Variants in GALNT5 observed in about 807,000 individuals in gnomAD.
GALNT5 encodes the protein UDP-GalNAc:polypeptide N-acetylgalactosaminyltransferase 5.
Under a neutral mutation model 85.4 loss-of-function variants are expected in GALNT5, and 72 were observed. That is an observed-to-expected ratio of 0.84 (90% CI 0.70 to 1.03). The LOEUF is 1.03. Ranked by LOEUF, GALNT5 falls within the 50% of genes least tolerant of loss-of-function variation. GALNT5 has a pLI of 0.00. For synonymous variants in GALNT5, 404 were observed against 397.0 expected, an observed-to-expected ratio of 1.02 and a Z score of -0.21; for missense variants, 1,137 against 1,135.5, an observed-to-expected ratio of 1.00 and a Z score of -0.02.
In GALNT5 at chr2:157,300,945, C is replaced by T; in HGVS notation, c.2385C>T (p.Tyr795=). 6.2e-7 allele frequency: 1 copy of T among 1,614,086 alleles called. No homozygotes were observed. Among genetic ancestry groups the T allele is most frequent in the Non-Finnish European group, 8.5e-7 (1 of 1,179,958 alleles). ...TGAAGTGCAAAAGTTTCAAATGGTACTTGGAGAATGTCTTTCCTGACTTAA... is the reference window on the plus strand; with the variant it reads ...TGAAGTGCAAAAGTTTCAAATGGTATTTGGAGAATGTCTTTCCTGACTTAA... ...KKLKCKSFKW[Y]LENVFPDLRA... The change falls in exon 7 of 10, where the codon TAC becomes TAT. Residue 795 remains tyrosine, a synonymous_variant. Transcript: ENST00000259056.
At position 157,259,182 on chromosome 2, in the gene GALNT5, C is replaced by T. The variant is rs528216306; in HGVS notation, c.1100C>T (p.Ser367Phe). ...KHISRNRSEM[S>F]SSSLAPHRVP... Reference sequence around the variant, plus strand: ...ATTTCCAGGAATAGAAGTGAGATGTCTTCCTCTTCACTTGCTCCACATAGA... The same window carrying T: ...ATTTCCAGGAATAGAAGTGAGATGTTTTCCTCTTCACTTGCTCCACATAGA... The change falls in exon 1 of 10, where the codon TCT becomes TTT. Residue 367 changes from serine to phenylalanine, a missense_variant. Coordinates refer to ENST00000259056, the MANE Select transcript of GALNT5 (RefSeq NM_014568.3). The T allele has an allele frequency of 2.6e-6, 4 of 1,540,794 alleles. No homozygotes were observed. In the South Asian group the frequency reaches 3.9e-5, roughly 15 times the overall value.
Position 157,318,314 on chromosome 2 carries a change from C to T in GALNT5, c.*6966C>T, listed in dbSNP as rs756854750. Among the ~76,000 whole-genome samples the T allele has an allele frequency of 6.6e-6, 1 of 152,116 alleles. No homozygotes were observed. The highest frequency in any genetic ancestry group is 1.5e-5 in the Non-Finnish European group (1 of 67,996). On this transcript the variant is annotated 3_prime_UTR_variant, in exon 10 of 10. Coordinates refer to ENST00000259056, the MANE Select transcript of GALNT5 (RefSeq NM_014568.3). ...TTTAAATGTATTACTCTGATGATTACAGAGATTTCTTCAAGTTGTTCGTGT... is the reference window on the plus strand; with the variant it reads ...TTTAAATGTATTACTCTGATGATTATAGAGATTTCTTCAAGTTGTTCGTGT...
intron 3 of GALNT5, among the ~76,000 whole-genome samples, chr2:157,289,492 C>T (rs1158359723): frequency 6.6e-6 from 1 of 152,088 alleles, no homozygotes; most frequent in African/African-American, 2.4e-5. Context: ...CTAATACCTT[C>T]TTTTCTATGT....
At position 157,284,364 on chromosome 2, in the gene GALNT5, C is replaced by T; in HGVS notation, c.1537C>T (p.Leu513=). 6.2e-7 allele frequency: 1 copy of T among 1,613,896 alleles called. No individual in the cohort carries two copies. The highest frequency in any genetic ancestry group is 8.5e-7 in the Non-Finnish European group (1 of 1,179,778). The change falls in exon 2 of 10, where the codon CTG becomes TTG. Residue 513 remains leucine, a synonymous_variant. Coordinates refer to ENST00000259056, the MANE Select transcript of GALNT5 (RefSeq NM_014568.3). ...TGTGGATGAAGTGTGGTCCACTCTCCTGAGATCTGTTCACAGTGTCATCAA... is the reference window on the plus strand; with the variant it reads ...TGTGGATGAAGTGTGGTCCACTCTCTTGAGATCTGTTCACAGTGTCATCAA... ...CFVDEVWSTL[L]RSVHSVINRS...
rs1242590927 is a variant in GALNT5 at position 157,315,185 on chromosome 2, T to A, written c.*3837T>A. The stretch of plus-strand genomic sequence containing the variant: ...GAAAAAAGAAAGGAACTAATTATCA[T>A]TGAGTGTGTGTAGGTACTATTTGTG... On this transcript the variant is annotated 3_prime_UTR_variant, in exon 10 of 10. Transcript: ENST00000259056. Among the ~76,000 whole-genome samples the A allele has an allele frequency of 6.6e-6, 1 of 152,148 alleles. No homozygotes were observed. The highest frequency in any genetic ancestry group is 2.1e-4 in the South Asian group (1 of 4,832).
At chr2:157,294,387 T>C (rs1451517116) in intron 3 of GALNT5, among the ~76,000 whole-genome samples, 3 of 152,120 alleles carry the variant, frequency 2.0e-5, no homozygotes, top group African/African-American at 4.8e-5. Flanking sequence ...GGCCCTGGGA[T>C]CCAGAGTAAG....
intron 1 of GALNT5, among the ~76,000 whole-genome samples, chr2:157,275,774 G>C (rs183159602): frequency 6.6e-6 from 1 of 152,272 alleles, no homozygotes. Flanking sequence ...TCTGCAAACA[G>C]GGACAATTTG....
In GALNT5 at chr2:157,314,948, G is replaced by T. The variant is rs189614451; in HGVS notation, c.*3600G>T. Among the ~76,000 whole-genome samples the T allele has an allele frequency of 6.6e-6, 1 of 151,982 alleles. No homozygotes were observed. Among genetic ancestry groups the T allele is most frequent in the African/African-American group, 2.4e-5 (1 of 41,384 alleles). On this transcript the variant is annotated 3_prime_UTR_variant, in exon 10 of 10. Coordinates refer to ENST00000259056, the MANE Select transcript of GALNT5 (RefSeq NM_014568.3). Reference sequence around the variant, plus strand: ...CAAAAATTAGCTGGGCATGGTGGTGGGCGCCTGTAATCCCAGCTACCTGGG... The same window carrying T: ...CAAAAATTAGCTGGGCATGGTGGTGTGCGCCTGTAATCCCAGCTACCTGGG...
chr2:157,270,751 A>G (rs1682564878), intron 1 of GALNT5, among the ~76,000 whole-genome samples: 1 of 152,212 alleles, frequency 6.6e-6, no homozygotes, highest in Non-Finnish European at 1.5e-5. Context: ...GCAGAAGATA[A>G]GGAAATAAGA....
intron 1 of GALNT5, among the ~76,000 whole-genome samples, chr2:157,278,620 G>A (rs1193556750): frequency 6.6e-6 from 1 of 152,074 alleles, no homozygotes; most frequent in Non-Finnish European, 1.5e-5. Flanking sequence ...ATTGAAGCTT[G>A]TGCATGCATC....
chr2:157,278,815 A>G lies in GALNT5; in HGVS notation c.1455-5467A>G, dbSNP rs1265829381. On this transcript the variant is annotated intron_variant, in intron 1 of 9. Transcript: ENST00000259056. ...TACCGACCTTCTGAAGCCTACTTCT[A>G]TCAATTTGTCAAAGTCATTCTCCAT... 5.9e-5 allele frequency among the ~76,000 whole-genome samples: 9 copies of G among 152,246 alleles called. No individual in the cohort carries two copies. In the East Asian group the frequency reaches 1.2e-3, roughly 20 times the overall value.
In GALNT5 at chr2:157,299,646, A is replaced by G; in HGVS notation, c.2096A>G (p.Asn699Ser). 1.3e-6 allele frequency: 2 copies of G among 1,596,036 alleles called. No individual in the cohort carries two copies. Among genetic ancestry groups the G allele is most frequent in the Non-Finnish European group, 1.7e-6 (2 of 1,164,280 alleles). ...DPGLDVWGGENMELSFKVWMC... is the reference protein window; with the variant it reads ...DPGLDVWGGESMELSFKVWMC... ...GGCCTTGATGTTTGGGGTGGGGAAA[A>G]TATGGAGCTCTCATTCAAGGTATTA... Residue 699 changes from asparagine to serine, a missense_variant, in exon 6 of 10, where the codon AAT becomes AGT. Transcript: ENST00000259056.
At chr2:157,262,240 T>C (rs1018987734) in intron 1 of GALNT5, among the ~76,000 whole-genome samples, 2 of 147,786 alleles carry the variant, frequency 1.4e-5, no homozygotes, top group African/African-American at 5.0e-5. Flanking sequence ...ACAGATTTGG[T>C]ATAATCATTT....
intron 7 of GALNT5, among the ~76,000 whole-genome samples, chr2:157,301,322 AAACAAATAAGC>A (rs1281719289): frequency 1.3e-5 from 2 of 152,226 alleles, no homozygotes; most frequent in African/African-American, 4.8e-5. Context: ...GAAAGATTAT[AAACAAATAAGC>A]AAGTCAAGTG....
chr2:157,295,553 C>A, intron 3 of GALNT5, 110 bp from the exon 4 acceptor site: 5 of 745,236 alleles, frequency 6.7e-6, no homozygotes, highest in Non-Finnish European at 1.1e-5. Context: ...AAAAAGGTCA[C>A]TGCATTTATA....
intron 3 of GALNT5, among the ~76,000 whole-genome samples, chr2:157,292,162 C>A (rs533552464): frequency 3.9e-5 from 6 of 152,262 alleles, no homozygotes; most frequent in South Asian, 2.1e-4. Context: ...ACTTATCTAA[C>A]CTGGCTAGGA....
intron 1 of GALNT5, among the ~76,000 whole-genome samples, chr2:157,264,860 GTTAAA>G (rs1368019155): frequency 6.6e-6 from 1 of 152,026 alleles, no homozygotes; most frequent in Non-Finnish European, 1.5e-5. Context: ...AAACTTTAAA[GTTAAA>G]TTAAATTTAA....
rs150925788 is a variant in GALNT5 at position 157,287,595 on chromosome 2, G to A, written c.1741+1461G>A. On this transcript the variant is annotated intron_variant, in intron 3 of 9. Coordinates refer to ENST00000259056, the MANE Select transcript of GALNT5 (RefSeq NM_014568.3). ...TGACCCATCAATATTTCAAGATTTC[G>A]TAATGTTTTAATTCTATAATCCTCA... Among the ~76,000 whole-genome samples, 31 of 152,186 alleles carry A rather than the reference G, an allele frequency of 2.0e-4. No homozygotes were observed. The South Asian group carries it at 2.3e-3, about 11-fold the overall frequency.
At chr2:157,305,216 C>T (rs1373052502) in intron 7 of GALNT5, among the ~76,000 whole-genome samples, 1 of 152,146 alleles carries the variant, frequency 6.6e-6, no homozygotes, top group Non-Finnish European at 1.5e-5. Context: ...TATTAGCTTT[C>T]GTGACTTTCC....
Sources: gnomAD v4.1 joint callset for allele counts (sites outside exome capture counted in the v4.1 genomes callset) on GRCh38, gnomAD v4.1.1 for gene constraint, MANE v1.5 for transcripts, NCBI Gene and HGNC (gene_info 2026-07-23, HGNC 2026-07-21) for gene names.